Variants in ARMC2 observed in about 807,000 individuals in gnomAD.
The protein encoded by ARMC2 is armadillo repeat containing 2, also known as armadillo repeat-containing protein 2.
Under a neutral mutation model 90.3 loss-of-function variants are expected in ARMC2, and 67 were observed. The observed-to-expected ratio is 0.74, with a 90% CI of 0.61 to 0.91. The LOEUF (loss-of-function observed/expected upper bound fraction) is 0.91. Among genes scored for constraint, ARMC2 ranks in the 40% least tolerant of loss-of-function variants. ARMC2 has a pLI of 0.00. For missense variants in ARMC2, 920 were observed against 1,030.9 expected (o/e 0.89, Z 1.47); for synonymous variants, 393 against 393.0 (o/e 1.00, Z 0.00).
the ARMC2 span, among the ~76,000 whole-genome samples, chr6:109,041,791 A>T: frequency 1.3e-5 from 2 of 152,228 alleles, no homozygotes; most frequent in Non-Finnish European, 2.9e-5. Flanking sequence ...TTGCTAGAAC[A>T]ACTAGACAGA....
At chr6:109,013,100 GA>G in the ARMC2 span, among the ~76,000 whole-genome samples, 168 of 129,224 alleles carry the variant, frequency 1.3e-3, no homozygotes, top group Admixed American at 1.6e-3. Flanking sequence ...TGGCAACAGG[GA>G]AAAAAAAAAA....
chr6:108,939,873 T>C (rs1776291127), intron 12 of ARMC2, among the ~76,000 whole-genome samples: 2 of 152,212 alleles, frequency 1.3e-5, no homozygotes, highest in Non-Finnish European at 2.9e-5. Context: ...TCTTCCTTCT[T>C]AGAAGATATT....
At chr6:108,858,507 A>G (rs918461417) in intron 3 of ARMC2, among the ~76,000 whole-genome samples, 20 of 152,080 alleles carry the variant, frequency 1.3e-4, no homozygotes, top group Admixed American at 1.2e-3. Flanking sequence ...TTTTTAAAAT[A>G]TATAATAACT....
At chr6:108,989,568 T>TAG in the ARMC2 span, among the ~76,000 whole-genome samples, 1 of 105,054 alleles carries the variant, frequency 9.5e-6, no homozygotes, top group Non-Finnish European at 2.0e-5. Flanking sequence ...TCTCTAGATC[T>TAG]AGAGATATCT....
At chr6:108,922,257 A>AG (rs538312241) in intron 10 of ARMC2, among the ~76,000 whole-genome samples, 2 of 150,970 alleles carry the variant, frequency 1.3e-5, no homozygotes, top group South Asian at 2.1e-4. Flanking sequence ...CCAAGTCCGG[A>AG]GGGCCCCCCC....
At chr6:108,951,623 G>A (rs980623788) in intron 12 of ARMC2, among the ~76,000 whole-genome samples, 3 of 152,230 alleles carry the variant, frequency 2.0e-5, no homozygotes, top group Admixed American at 2.0e-4. Context: ...GAACAAGTTG[G>A]TATTGGCAGA....
chr6:109,027,476 CAAAAAAAAAAAAA>C, the ARMC2 span, among the ~76,000 whole-genome samples: 9 of 27,322 alleles, frequency 3.3e-4, no homozygotes, highest in African/African-American at 9.9e-4. Flanking sequence ...GACTCTGTCT[CAAAAAAAAAAAAA>C]AAAAAAAAAA....
the ARMC2 span, among the ~76,000 whole-genome samples, chr6:109,049,373 C>A: frequency 6.7e-6 from 1 of 150,334 alleles, no homozygotes. Context: ...TTACTAAAAG[C>A]TGGGAAGAGT....
intron 7 of ARMC2, among the ~76,000 whole-genome samples, chr6:108,901,564 C>CGT (rs1772166432): frequency 6.6e-6 from 1 of 151,804 alleles, no homozygotes; most frequent in African/African-American, 2.4e-5. Context: ...GACAGGTGCG[C>CGT]ACCACCACAC....
At chr6:108,924,925 G>T (rs1259966284) in intron 10 of ARMC2, among the ~76,000 whole-genome samples, 1 of 152,154 alleles carries the variant, frequency 6.6e-6, no homozygotes, top group African/African-American at 2.4e-5. Flanking sequence ...GGGTGAACGT[G>T]TGACCAGTCA....
the ARMC2 span, among the ~76,000 whole-genome samples, chr6:109,029,148 G>C: frequency 0.1 from 15,231 of 152,198 alleles, 927 homozygotes; most frequent in Middle Eastern, 0.19. Flanking sequence ...GCAGTAAATG[G>C]AAGACTAAAA....
intron 5 of ARMC2, among the ~76,000 whole-genome samples, chr6:108,877,913 A>G (rs998845891): frequency 1.3e-5 from 2 of 152,198 alleles, no homozygotes; most frequent in Admixed American, 1.3e-4. Flanking sequence ...TGGCAATAGC[A>G]CTAATTGTTT....
At chr6:108,907,716 T>G in intron 8 of ARMC2, 2 of 1,609,956 alleles carry the variant, frequency 1.2e-6, no homozygotes. Flanking sequence ...ATGCTCCCCT[T>G]CTTCACATTG....
At chr6:108,994,698 C>CTTTTTTTTTTT in the ARMC2 span, 1 of 274,832 alleles carries the variant, frequency 3.6e-6, no homozygotes, top group Non-Finnish European at 6.0e-6. Context: ...GAATTTATAT[C>CTTTTTTTTTTT]TTTTTTTTTT....
At chr6:108,899,252 T>C (rs1416091701) in intron 6 of ARMC2, among the ~76,000 whole-genome samples, 4 of 152,244 alleles carry the variant, frequency 2.6e-5, no homozygotes, top group Non-Finnish European at 4.4e-5. Flanking sequence ...CATGTTAGTG[T>C]AGACATTTTA....
intron 12 of ARMC2, among the ~76,000 whole-genome samples, chr6:108,938,125 T>C (rs1319637976): frequency 6.6e-6 from 1 of 152,224 alleles, no homozygotes; most frequent in Non-Finnish European, 1.5e-5. Flanking sequence ...ATACAATGAG[T>C]ATTCATTTTA....
At chr6:108,859,713 A>G (rs1775014778) in intron 3 of ARMC2, among the ~76,000 whole-genome samples, 1 of 152,184 alleles carries the variant, frequency 6.6e-6, no homozygotes, top group Admixed American at 6.5e-5. Flanking sequence ...ATTCAGATGT[A>G]GGACTTCCTG....
chr6:108,923,289 T>C (rs1774771082), intron 10 of ARMC2, among the ~76,000 whole-genome samples: 1 of 152,094 alleles, frequency 6.6e-6, no homozygotes, highest in South Asian at 2.1e-4. Context: ...TTATAGATAA[T>C]ATAAATTAGA....
the ARMC2 span, among the ~76,000 whole-genome samples, chr6:108,993,610 AT>A: frequency 6.6e-6 from 1 of 152,198 alleles, no homozygotes; most frequent in Non-Finnish European, 1.5e-5. Flanking sequence ...GAGACACTTT[AT>A]AAACTTTTTC....
Sources: gnomAD v4.1 joint callset for allele counts (sites outside exome capture counted in the v4.1 genomes callset) on GRCh38, gnomAD v4.1.1 for gene constraint, MANE v1.5 for transcripts, NCBI Gene and HGNC (gene_info 2026-07-23, HGNC 2026-07-21) for gene names.